Variants in MYO9A observed in about 807,000 individuals in gnomAD.
The protein encoded by MYO9A is myosin IXA.
MYO9A carries 103 observed loss-of-function variants against 293.3 expected under a neutral mutation model. The ratio of observed to expected loss-of-function variants is 0.35; its 90% CI spans 0.30 to 0.41. MYO9A has a LOEUF of 0.41. MYO9A is among the 10% of genes least tolerant of loss of function. MYO9A has a pLI of 1.00. For synonymous variants in MYO9A, 1,001 were observed against 1,035.7 expected, an observed-to-expected ratio of 0.97 and a Z score of 0.64; for missense variants, 2,685 against 3,033.0, an observed-to-expected ratio of 0.89 and a Z score of 2.69.
rs1325565283 is a variant in MYO9A, at chr15:71,830,236, C to T, written c.6913G>A (p.Asp2305Asn). 6 of 1,614,088 alleles carry T rather than the reference C, an allele frequency of 3.7e-6. No homozygotes were observed. The highest frequency in any genetic ancestry group is 5.1e-6 in the Non-Finnish European group (6 of 1,179,978). ...PVVVRLPSVS[D>N]VSEETLTSEA... is the part of the protein sequence containing the mutation. ...CTAGTCAAGGTCTCCTCTGAGACAT[C>T]AGACACAGAAGGCAACCGAACTACA... Residue 2305 changes from aspartate to asparagine, a missense_variant, in exon 40 of 42, where the codon GAT (aspartate) becomes AAT (asparagine). Physicochemically the swap from Asp to Asn is conservative, Grantham distance 23. Around this residue, in one of 10 missense-constraint regions of MYO9A, gnomAD observed 350 missense variants for 328.9 expected, o/e 1.06. Coordinates refer to ENST00000356056, the MANE Select transcript of MYO9A (RefSeq NM_006901.4).
At chr15:71,901,525 T>G (rs2057483416) in intron 22 of MYO9A, among the ~76,000 whole-genome samples, 185 bp from the exon 23 acceptor site, 1 of 152,146 alleles carries the variant, frequency 6.6e-6, no homozygotes, top group Non-Finnish European at 1.5e-5. Flanking sequence ...GAAATGGAGA[T>G]AGTAGAATAC....
chr15:71,958,199 C>T (rs934616006), intron 14 of MYO9A, among the ~76,000 whole-genome samples: 1 of 152,106 alleles, frequency 6.6e-6, no homozygotes, highest in Non-Finnish European at 1.5e-5. Flanking sequence ...TTTTCTACTT[C>T]GTCTTAATCT....
upstream of MYO9A, chr15:72,118,179 C>T: frequency 2.7e-6 from 1 of 363,732 alleles, no homozygotes; most frequent in East Asian, 4.0e-5. Flanking sequence ...CTACTGCCAG[C>T]ACGGGTCGGC....
intron 4 of MYO9A, among the ~76,000 whole-genome samples, chr15:72,023,029 A>G (rs1352800401): frequency 2.0e-5 from 3 of 152,066 alleles, no homozygotes; most frequent in African/African-American, 7.2e-5. Context: ...GAACTACAGA[A>G]AGTCACATTT....
chr15:71,918,021 T>C (rs1162691098), intron 18 of MYO9A, among the ~76,000 whole-genome samples: 1 of 151,938 alleles, frequency 6.6e-6, no homozygotes, highest in African/African-American at 2.4e-5. Context: ...GATATCACAA[T>C]AAAAGAAAGG....
At chr15:71,851,396 C>G in intron 36 of MYO9A, 38 bp from the exon 37 acceptor site, 1 of 1,489,710 alleles carries the variant, frequency 6.7e-7, no homozygotes, top group African/African-American at 1.4e-5. Context: ...ACTAAATATC[C>G]CCCCTTATAC....
At chr15:71,850,744 T>TG (rs2141301119) in intron 37 of MYO9A, among the ~76,000 whole-genome samples, 1 of 107,354 alleles carries the variant, frequency 9.3e-6, no homozygotes, top group East Asian at 2.9e-4. Context: ...CCGGCCTGGG[T>TG]GACAGACTGA....
intron 1 of MYO9A, among the ~76,000 whole-genome samples, chr15:72,082,103 T>C (rs911427003): frequency 1.3e-5 from 2 of 152,216 alleles, no homozygotes; most frequent in African/African-American, 2.4e-5. Context: ...TAGCACTGAA[T>C]CGATAAACTG....
intron 1 of MYO9A, among the ~76,000 whole-genome samples, chr15:72,071,423 G>A (rs1307232364): frequency 1.3e-5 from 2 of 152,124 alleles, no homozygotes; most frequent in South Asian, 2.1e-4. Context: ...TGGAACAAAA[G>A]GGAACACTCA....
At chr15:71,990,541 G>A (rs2076514367) in intron 11 of MYO9A, among the ~76,000 whole-genome samples, 1 of 152,082 alleles carries the variant, frequency 6.6e-6, no homozygotes, top group Non-Finnish European at 1.5e-5. Context: ...GGATCACGAG[G>A]TCAGGAGATC....
rs756509373 is a variant in MYO9A, at chr15:72,007,831, A to G, written c.1375T>C (p.Leu459=). ...CTGAAAATGTAATCACTCACCTCTAATAATTCTGAGACAATAGGCAGAACT... is the reference window on the plus strand; with the variant it reads ...CTGAAAATGTAATCACTCACCTCTAGTAATTCTGAGACAATAGGCAGAACT... ...PEVLPIVSEL[L]EVKEEMLFEA... is the part of the protein sequence containing the mutation. The change falls in exon 8 of 42, where the codon TTA becomes CTA. Residue 459 remains leucine (L), a synonymous_variant. Coordinates refer to ENST00000356056, the MANE Select transcript of MYO9A (RefSeq NM_006901.4). 1.2e-6 allele frequency: 2 copies of G among 1,608,180 alleles called. No homozygotes were observed. The highest frequency in any genetic ancestry group is 1.7e-6 in the Non-Finnish European group (2 of 1,178,402).
At chr15:71,873,424 T>C (rs1596078006) in intron 32 of MYO9A, among the ~76,000 whole-genome samples, 2 of 152,222 alleles carry the variant, frequency 1.3e-5, no homozygotes, top group Non-Finnish European at 1.5e-5. Flanking sequence ...AAAAGTGTGA[T>C]TGATATGCCT....
At chr15:72,116,479 G>A (rs2151249782) in intron 1 of MYO9A, among the ~76,000 whole-genome samples, 1 of 152,246 alleles carries the variant, frequency 6.6e-6, no homozygotes, top group Non-Finnish European at 1.5e-5. Context: ...TGACCTCAGT[G>A]AACACTGCAT....
chr15:72,037,855 C>CA (rs2078104226), intron 2 of MYO9A, among the ~76,000 whole-genome samples: 1 of 150,890 alleles, frequency 6.6e-6, no homozygotes, highest in East Asian at 1.9e-4. Flanking sequence ...TAGCACTAAA[C>CA]AGCAACCGTT....
At chr15:71,877,490 C>CT (rs1465933491) in intron 31 of MYO9A, among the ~76,000 whole-genome samples, 2 of 151,964 alleles carry the variant, frequency 1.3e-5, no homozygotes, top group African/African-American at 4.8e-5. Context: ...CGGAGTCGCA[C>CT]TTTGCCACCC....
chr15:71,879,848 C>G lies in MYO9A; in HGVS notation c.5623-11G>C, dbSNP rs569927433. The G allele has an allele frequency of 3.2e-6, 5 of 1,555,586 alleles. No homozygotes were observed. The South Asian group carries it at 5.6e-5, about 17-fold the overall frequency. On this transcript the variant is annotated splice_polypyrimidine_tract_variant and intron_variant, in intron 29 of 41. Transcript: ENST00000356056. The stretch of plus-strand genomic sequence containing the variant: ...ATCTAGGTCATTCACCTGGGAACCA[C>G]AAAACGAGTTTTAGTACACAATCAA...
At chr15:71,932,874 C>A (rs2058517392) in intron 18 of MYO9A, among the ~76,000 whole-genome samples, 1 of 151,892 alleles carries the variant, frequency 6.6e-6, no homozygotes, top group Non-Finnish European at 1.5e-5. Flanking sequence ...TATGGATATA[C>A]CACAGTGTGT....
At chr15:71,845,082 T>TTTTG (rs1164574661) in intron 39 of MYO9A, among the ~76,000 whole-genome samples, 5 of 152,196 alleles carry the variant, frequency 3.3e-5, no homozygotes. Flanking sequence ...GTTGAGTGCC[T>TTTTG]TTTGTTAAGT....
intron 12 of MYO9A, among the ~76,000 whole-genome samples, chr15:71,973,689 G>T (rs1186841863): frequency 2.0e-5 from 3 of 152,128 alleles, no homozygotes; most frequent in African/African-American, 7.2e-5. Context: ...CGTAAGACTA[G>T]CTTTATGATG....
Sources: allele counts gnomAD v4.1 joint callset (sites outside exome capture counted in the v4.1 genomes callset), GRCh38; gene constraint gnomAD v4.1.1; regional missense constraint gnomAD v4.1.1; transcripts MANE v1.5; gene names NCBI Gene and HGNC (gene_info 2026-07-23, HGNC 2026-07-21).